The following E2F5 variants were observed in gnomAD, a reference collection of about 807,000 sequenced individuals.
E2F5 encodes transcription factor E2F5.
E2F5 carries 23 observed loss-of-function variants against 39.1 expected under a neutral mutation model. The ratio of observed to expected loss-of-function variants is 0.59; its 90% confidence interval spans 0.42 to 0.83. E2F5 has a LOEUF of 0.83. Ranked by LOEUF, E2F5 falls within the 40% of genes least tolerant of loss-of-function variation. E2F5 has a pLI of 0.00. For synonymous variants in E2F5, 145 were observed against 157.8 expected (o/e 0.92, Z 0.61); for missense variants, 365 against 406.7 (o/e 0.90, Z 0.88).
chr8:85,189,479 C>T (rs1396236712), intron 1 of E2F5, among the ~76,000 whole-genome samples: 1 of 152,144 alleles, frequency 6.6e-6, no homozygotes, highest in Admixed American at 6.5e-5. Flanking sequence ...AAGCGAGTCT[C>T]CTGCCTCAGC....
chr8:85,182,058 T>C (rs1374001347), intron 1 of E2F5, among the ~76,000 whole-genome samples: 2 of 152,108 alleles, frequency 1.3e-5, no homozygotes, highest in African/African-American at 2.4e-5. Flanking sequence ...ACATTGAAAG[T>C]GATGTGAGGA....
intron 6 of E2F5, among the ~76,000 whole-genome samples, chr8:85,211,355 C>T (rs929203451): frequency 6.6e-6 from 1 of 151,786 alleles, no homozygotes; most frequent in African/African-American, 2.4e-5. Context: ...TGAGCCCTGA[C>T]AGCACTTAAT....
At chr8:85,198,783 A>T (rs1812633088) in intron 1 of E2F5, among the ~76,000 whole-genome samples, 1 of 152,132 alleles carries the variant, frequency 6.6e-6, no homozygotes. Context: ...CTTGTGGTAT[A>T]AACTGTCTAT....
At chr8:85,199,493 CA>C (rs1812646779) in intron 1 of E2F5, among the ~76,000 whole-genome samples, 1 of 152,084 alleles carries the variant, frequency 6.6e-6, no homozygotes, top group African/African-American at 2.4e-5. Context: ...GACCCAGAAC[CA>C]AGCCTGGAAC....
rs1563984612 is a variant in E2F5 at position 85,212,118 on chromosome 8, G to A, written c.884-39G>A. The A allele has an allele frequency of 3.9e-6, 6 of 1,520,732 alleles. No individual in the cohort carries two copies. The Admixed American group carries it at 6.9e-5, about 18-fold the overall frequency. The allele number at this position is 1,520,732 out of a possible 1,614,324, so 94.2% of individuals were successfully genotyped here. On this transcript the variant is annotated intron_variant, in intron 6 of 7. Coordinates refer to ENST00000416274, the MANE Select transcript of E2F5 (RefSeq NM_001951.4). ...TGTTTAAATATGAGTATCTTTTACTGTTAACAGAAATATAACAAAACTTTA... is the reference window on the plus strand; with the variant it reads ...TGTTTAAATATGAGTATCTTTTACTATTAACAGAAATATAACAAAACTTTA...
At chr8:85,200,472 T>C (rs985165402) in intron 1 of E2F5, among the ~76,000 whole-genome samples, 1 of 152,210 alleles carries the variant, frequency 6.6e-6, no homozygotes, top group Non-Finnish European at 1.5e-5. Flanking sequence ...GAGCTAAAAA[T>C]TAAATCTCAT....
chr8:85,187,227 A>G (rs771040276), intron 1 of E2F5, among the ~76,000 whole-genome samples: 26 of 152,110 alleles, frequency 1.7e-4, no homozygotes, highest in Non-Finnish European at 3.7e-4. Context: ...TTGGCCTCAT[A>G]TATAATCTAA....
At chr8:85,183,040 G>A (rs376873058) in intron 1 of E2F5, among the ~76,000 whole-genome samples, 5 of 152,004 alleles carry the variant, frequency 3.3e-5, no homozygotes, top group African/African-American at 7.2e-5. Flanking sequence ...TCACGAGGTC[G>A]GGAGATTGAG....
intron 3 of E2F5, among the ~76,000 whole-genome samples, chr8:85,204,303 A>G (rs1812755727): frequency 1.3e-5 from 2 of 152,072 alleles, no homozygotes; most frequent in African/African-American, 4.8e-5. Context: ...GTATTTTGAC[A>G]TCTCCATAAA....
intron 1 of E2F5, among the ~76,000 whole-genome samples, chr8:85,195,131 T>A (rs1289660083): frequency 6.6e-6 from 1 of 151,806 alleles, no homozygotes; most frequent in East Asian, 2.0e-4. Flanking sequence ...ACGTCTGTAA[T>A]CCCAGCAATT....
chr8:85,196,003 TA>T (rs1417805442), intron 1 of E2F5, among the ~76,000 whole-genome samples: 2 of 152,102 alleles, frequency 1.3e-5, no homozygotes, highest in Non-Finnish European at 2.9e-5. Context: ...CAAAGTTTAT[TA>T]AAAATTTTTT....
intron 1 of E2F5, among the ~76,000 whole-genome samples, chr8:85,194,527 G>C (rs1291921031): frequency 7.2e-6 from 1 of 138,640 alleles, no homozygotes; most frequent in Non-Finnish European, 1.6e-5. Context: ...TTTTTTGTTT[G>C]TTTCTCTTTT....
intron 1 of E2F5, among the ~76,000 whole-genome samples, chr8:85,192,375 C>T (rs1432422231): frequency 6.6e-6 from 1 of 152,136 alleles, no homozygotes; most frequent in Non-Finnish European, 1.5e-5. Flanking sequence ...TGAGGGCTTC[C>T]TGTTTGACTT....
At chr8:85,200,209 T>C (rs1812665941) in intron 1 of E2F5, 1 of 617,562 alleles carries the variant, frequency 1.6e-6, no homozygotes, top group Non-Finnish European at 2.0e-6. Flanking sequence ...ATCACACCAC[T>C]GCACTCCAGC....
chr8:85,179,824 TA>T (rs1812161355), intron 1 of E2F5, among the ~76,000 whole-genome samples: 2 of 151,880 alleles, frequency 1.3e-5, no homozygotes, highest in Admixed American at 1.3e-4. Context: ...CGCACCCAGC[TA>T]ATTTTTTTGT....
At chr8:85,208,659 C>T (rs1812848263) in intron 5 of E2F5, among the ~76,000 whole-genome samples, 1 of 152,096 alleles carries the variant, frequency 6.6e-6, no homozygotes. Flanking sequence ...CCTCAGGATA[C>T]AGATTACTTT....
At chr8:85,213,672 T>C in intron 7 of E2F5, 81 bp from the exon 8 acceptor site, 1 of 702,346 alleles carries the variant, frequency 1.4e-6, no homozygotes, top group South Asian at 1.8e-5. Context: ...TTTGGAATGA[T>C]GTATTTGAGA....
chr8:85,195,506 T>C (rs935328677), intron 1 of E2F5, among the ~76,000 whole-genome samples: 10 of 152,164 alleles, frequency 6.6e-5, no homozygotes, highest in Non-Finnish European at 1.5e-4. Context: ...TTTTTCCTTT[T>C]TGAGACAGGG....
intron 3 of E2F5, 112 bp downstream of exon 3, chr8:85,203,367 T>A: frequency 1.2e-6 from 1 of 801,214 alleles, no homozygotes; most frequent in Non-Finnish European, 1.7e-6. Flanking sequence ...GTTTTATAAG[T>A]AAATATGACA....
Sources: allele counts gnomAD v4.1 joint callset (sites outside exome capture counted in the v4.1 genomes callset), GRCh38; gene constraint gnomAD v4.1.1; transcripts MANE v1.5; gene names NCBI Gene and HGNC (gene_info 2026-07-23, HGNC 2026-07-21).